The following ATG7 variants were observed in gnomAD, a reference collection of about 807,000 sequenced individuals.
The protein encoded by ATG7 is ubiquitin-like modifier-activating enzyme ATG7.
In ATG7, 70 loss-of-function variants were observed where a neutral mutation model predicts 82.4. The observed-to-expected ratio is 0.85, with a 90% CI of 0.70 to 1.04. ATG7 has a LOEUF of 1.04. Ranked by LOEUF, ATG7 falls within the 50% of genes least tolerant of loss-of-function variation. ATG7 has a pLI of 0.00. For synonymous variants in ATG7, 287 were observed against 313.0 expected, an observed-to-expected ratio of 0.92 and a Z score of 0.88; for missense variants, 792 against 864.3, an observed-to-expected ratio of 0.92 and a Z score of 1.05.
chr3:11,359,454 A>G (rs550491231), intron 15 of ATG7, among the ~76,000 whole-genome samples: 31 of 152,290 alleles, frequency 2.0e-4, no homozygotes, highest in African/African-American at 7.0e-4. Flanking sequence ...TCACATCTGT[A>G]TCCTAGCACT....
intron 20 of ATG7, among the ~76,000 whole-genome samples, chr3:11,495,963 G>A (rs2090798145): frequency 6.6e-6 from 1 of 152,144 alleles, no homozygotes; most frequent in African/African-American, 2.4e-5. Context: ...TCATAGGCGC[G>A]TCACGCTAGC....
chr3:11,500,501 A>G (rs2091243017), intron 20 of ATG7, among the ~76,000 whole-genome samples: 1 of 152,232 alleles, frequency 6.6e-6, no homozygotes, highest in Non-Finnish European at 1.5e-5. Context: ...AAACTCCACC[A>G]TTGGGAAATT....
chr3:11,349,209 T>C (rs1955073429), intron 14 of ATG7, among the ~76,000 whole-genome samples: 1 of 148,130 alleles, frequency 6.8e-6, no homozygotes, highest in Non-Finnish European at 1.5e-5. Flanking sequence ...ACTGGTGCAT[T>C]TACAATCCTC....
chr3:11,368,087 G>A (rs1051667569), intron 18 of ATG7, among the ~76,000 whole-genome samples: 1 of 151,920 alleles, frequency 6.6e-6, no homozygotes, highest in Non-Finnish European at 1.5e-5. Flanking sequence ...CATGGGAGAT[G>A]TTTGTCTGAT....
chr3:11,310,604 A>T (rs1948493717), intron 7 of ATG7, among the ~76,000 whole-genome samples: 1 of 152,012 alleles, frequency 6.6e-6, no homozygotes, highest in African/African-American at 2.4e-5. Context: ...TGGCATTAAT[A>T]ATCTGTCTAT....
At chr3:11,490,861 C>T (rs2090273817) in intron 20 of ATG7, among the ~76,000 whole-genome samples, 1 of 152,308 alleles carries the variant, frequency 6.6e-6, no homozygotes, top group South Asian at 2.1e-4. Flanking sequence ...TGATGGGCTT[C>T]CCTTTGTGGG....
At chr3:11,286,583 C>CTTTTTTTTTTTTTTTTTTTTTTTT (rs5846700) in intron 3 of ATG7, among the ~76,000 whole-genome samples, 2 of 66,954 alleles carry the variant, frequency 3.0e-5, no homozygotes, top group African/African-American at 6.8e-5. Context: ...TTCTTTCTTT[C>CTTTTTTTTTTTTTTTTTTTTTTTT]TTTTTTTTTT....
intron 3 of ATG7, 34 bp from the exon 4 acceptor site, chr3:11,298,652 T>G: frequency 6.3e-7 from 1 of 1,587,554 alleles, no homozygotes; most frequent in East Asian, 2.2e-5. Context: ...CATGGATATG[T>G]TATTTTGCTG....
chr3:11,452,509 A>G (rs141969744), intron 20 of ATG7, among the ~76,000 whole-genome samples: 1 of 152,082 alleles, frequency 6.6e-6, no homozygotes, highest in East Asian at 1.9e-4. Context: ...TACGTGAATT[A>G]TATCTCAATA....
intron 15 of ATG7, among the ~76,000 whole-genome samples, chr3:11,360,093 T>C (rs766189649): frequency 1.1e-4 from 16 of 152,262 alleles, no homozygotes; most frequent in Non-Finnish European, 1.6e-4. Context: ...TCACCCAGGC[T>C]GGAGTGCAGT....
At chr3:11,572,290 G>A in the ATG7 span, among the ~76,000 whole-genome samples, 19 of 152,174 alleles carry the variant, frequency 1.2e-4, no homozygotes, top group Non-Finnish European at 2.6e-4. Flanking sequence ...GCTTGAGAGA[G>A]GCTAAGTAAC....
At chr3:11,444,647 T>A (rs1205194648) in intron 20 of ATG7, among the ~76,000 whole-genome samples, 4 of 152,192 alleles carry the variant, frequency 2.6e-5, no homozygotes, top group Non-Finnish European at 5.9e-5. Context: ...CCCTTACTTC[T>A]GGACATAGGA....
At chr3:11,283,708 C>T (rs943337341) in intron 3 of ATG7, among the ~76,000 whole-genome samples, 1 of 152,164 alleles carries the variant, frequency 6.6e-6, no homozygotes, top group African/African-American at 2.4e-5. Context: ...GAGGCCAAGG[C>T]AGGTGGATCA....
At chr3:11,359,063 G>A (rs1489882725) in intron 15 of ATG7, among the ~76,000 whole-genome samples, 1 of 151,854 alleles carries the variant, frequency 6.6e-6, no homozygotes, top group Non-Finnish European at 1.5e-5. Flanking sequence ...TATTAAATAA[G>A]GAAGATACAA....
At chr3:11,461,657 T>C (rs747579849) in intron 20 of ATG7, among the ~76,000 whole-genome samples, 13 of 152,290 alleles carry the variant, frequency 8.5e-5, no homozygotes, top group Non-Finnish European at 1.3e-4. Context: ...GTTTGTACTA[T>C]AATTAACCCC....
At position 11,469,988 on chromosome 3, in the gene ATG7, C is replaced by CA. The variant is rs10628540; in HGVS notation, c.2079+43083dup. Among the ~76,000 whole-genome samples, 347 of 87,524 alleles carry CA rather than the reference C, an allele frequency of 4.0e-3. 9 individuals are homozygous for CA. Among genetic ancestry groups the CA allele is most frequent in the African/African-American group, 0.013 (275 of 20,918 alleles). The allele number at this position is 87,524 out of a possible 152,430, so 57.4% of individuals were successfully genotyped here. On this transcript the variant is annotated intron_variant, in intron 20 of 20. Transcript: ENST00000693202. ...TGGGTGACGGAACGAGACTCCATCT[C>CA]AAAAAAAAAAAAAAAAAAAAAGAGA...
intron 20 of ATG7, among the ~76,000 whole-genome samples, chr3:11,446,071 C>A (rs140134677): frequency 3.6e-4 from 55 of 151,990 alleles, no homozygotes; most frequent in Non-Finnish European, 6.0e-4. Context: ...GACCTTTGTT[C>A]TAATCCCAGA....
rs1221138663 is a variant in ATG7, at chr3:11,333,128, T to C, written c.889+35T>C. 2.6e-6 allele frequency: 4 copies of C among 1,513,022 alleles called. No homozygotes were observed. In the African/African-American group the frequency reaches 5.7e-5, roughly 22 times the overall value. The allele number at this position is 1,513,022 out of a possible 1,614,324, so 93.7% of individuals were successfully genotyped here. On this transcript the variant is annotated intron_variant, in intron 11 of 20. Transcript: ENST00000693202. ...CGGTCTTTGAAAATGCATATAATTA[T>C]CATTTATCAGAAACGGAACCAGGTT... is the stretch of plus-strand genomic sequence containing the variant.
At chr3:11,314,444 T>C (rs1454531735) in intron 8 of ATG7, among the ~76,000 whole-genome samples, 5 of 152,174 alleles carry the variant, frequency 3.3e-5, no homozygotes, top group Non-Finnish European at 7.3e-5. Context: ...TCCGAGGTTG[T>C]GGTTTTGTGG....
Sources: allele counts gnomAD v4.1 joint callset (sites outside exome capture counted in the v4.1 genomes callset), GRCh38; gene constraint gnomAD v4.1.1; transcripts MANE v1.5; gene names NCBI Gene and HGNC (gene_info 2026-07-23, HGNC 2026-07-21).